Variants in CATSPERE observed in about 807,000 individuals in gnomAD.
CATSPERE encodes cation channel sperm-associated auxiliary subunit epsilon.
In CATSPERE, 93 loss-of-function variants were observed where a neutral mutation model predicts 114.1. The ratio of observed to expected loss-of-function variants is 0.81; its 90% CI spans 0.69 to 0.97. The LOEUF (loss-of-function observed/expected upper bound fraction) is 0.97. Among genes scored for constraint, CATSPERE ranks in the 50% least tolerant of loss-of-function variants. The pLI is 0.00. For missense variants in CATSPERE, 1,058 were observed against 1,131.6 expected (o/e 0.93, Z 0.93); for synonymous variants, 341 against 384.1 (o/e 0.89, Z 1.31).
intron 7 of CATSPERE, among the ~76,000 whole-genome samples, chr1:244,511,088 C>T (rs984634921): frequency 6.6e-6 from 1 of 151,992 alleles, no homozygotes; most frequent in Non-Finnish European, 1.5e-5. Flanking sequence ...GGTGATCCAC[C>T]CACCTCAGCC....
chr1:244,618,983 G>T (rs947807161), intron 20 of CATSPERE, among the ~76,000 whole-genome samples: 1 of 152,172 alleles, frequency 6.6e-6, no homozygotes, highest in African/African-American at 2.4e-5. Context: ...TCTAGGCCAG[G>T]TGATTAAAAT....
intron 14 of CATSPERE, among the ~76,000 whole-genome samples, chr1:244,589,258 T>C (rs1157000147): frequency 6.6e-6 from 1 of 152,210 alleles, no homozygotes; most frequent in Non-Finnish European, 1.5e-5. Flanking sequence ...TTGACTCTTA[T>C]CTGAGTATTT....
At chr1:244,585,437 A>G (rs996445956) in intron 13 of CATSPERE, among the ~76,000 whole-genome samples, 9 of 152,232 alleles carry the variant, frequency 5.9e-5, no homozygotes, top group African/African-American at 1.9e-4. Flanking sequence ...CTGAAATAGA[A>G]TGAGGAAAGA....
At position 244,573,194 on chromosome 1, in the gene CATSPERE, G is replaced by A. The variant is rs10927268; in HGVS notation, c.1950+422G>A. 0.8 allele frequency among the ~76,000 whole-genome samples: 120,681 copies of A among 151,788 alleles called. 49,676 individuals are homozygous for A. The highest frequency in any genetic ancestry group is 0.94 in the Middle Eastern group (276 of 294). Reference sequence around the variant, plus strand: ...TGGGAGGCCAAGGCAGGCAGATCACGAGGTCAGGAGATCGAGACCATCCTG... The same window carrying A: ...TGGGAGGCCAAGGCAGGCAGATCACAAGGTCAGGAGATCGAGACCATCCTG... On this transcript the variant is annotated intron_variant, in intron 11 of 21. Transcript: ENST00000366534. The surrounding 1 kb of genome is among the most constrained non-coding windows in gnomAD (Gnocchi z 4.0).
At chr1:244,581,316 A>G (rs1418877541) in intron 11 of CATSPERE, among the ~76,000 whole-genome samples, 1 of 152,158 alleles carries the variant, frequency 6.6e-6, no homozygotes, top group Admixed American at 6.5e-5. Flanking sequence ...TAGGCATTTT[A>G]CTGTTGATGA....
intron 1 of CATSPERE, 67 bp downstream of exon 1, chr1:244,461,561 G>A (rs1666789831): frequency 8.2e-7 from 1 of 1,219,580 alleles, no homozygotes; most frequent in Non-Finnish European, 1.0e-6. Flanking sequence ...AGGCGGGAGG[G>A]TCCTGCTCTC....
chr1:244,492,810 CAGAG>C (rs1200005294), intron 6 of CATSPERE, among the ~76,000 whole-genome samples: 1 of 147,646 alleles, frequency 6.8e-6, no homozygotes, highest in Admixed American at 6.7e-5. Flanking sequence ...AACAGACAAA[CAGAG>C]AGCCAAATCA....
chr1:244,533,249 T>C (rs1679891173), intron 8 of CATSPERE, among the ~76,000 whole-genome samples: 1 of 152,276 alleles, frequency 6.6e-6, no homozygotes, highest in Middle Eastern at 3.4e-3. Flanking sequence ...TTCATGTCTT[T>C]ATAGGTTAAG....
At chr1:244,494,781 C>A (rs186837489) in intron 6 of CATSPERE, among the ~76,000 whole-genome samples, 2 of 151,964 alleles carry the variant, frequency 1.3e-5, no homozygotes, top group Admixed American at 6.6e-5. Flanking sequence ...CAGCAACTTA[C>A]CAGAAAAAAA....
rs188133661 is a variant in CATSPERE at position 244,618,114 on chromosome 1, A to G, written c.2648+428A>G. Among the ~76,000 whole-genome samples, 318 of 152,340 alleles carry G rather than the reference A, an allele frequency of 2.1e-3. 2 individuals carry two copies. Among genetic ancestry groups the G allele is most frequent in the African/African-American group, 7.2e-3 (298 of 41,570 alleles). ...CACAATAGTAATTCAGAGATGGGAA[A>G]GATTAATGCTATTTTGAGCAGTAAA... On this transcript the variant is annotated intron_variant, in intron 20 of 21. Coordinates refer to ENST00000366534, the MANE Select transcript of CATSPERE (RefSeq NM_001130957.2).
At chr1:244,520,646 C>T (rs1200023156) in intron 8 of CATSPERE, among the ~76,000 whole-genome samples, 1 of 152,064 alleles carries the variant, frequency 6.6e-6, no homozygotes, top group Non-Finnish European at 1.5e-5. Context: ...CAGGCACACG[C>T]AGAGGCCCAG....
intron 2 of CATSPERE, among the ~76,000 whole-genome samples, chr1:244,476,494 A>T (rs558123209): frequency 2.6e-5 from 4 of 152,244 alleles, no homozygotes; most frequent in African/African-American, 9.6e-5. Flanking sequence ...TTATATTTTA[A>T]AGTTATGTTG....
chr1:244,592,165 G>A (rs555906219), intron 15 of CATSPERE, among the ~76,000 whole-genome samples: 37 of 152,140 alleles, frequency 2.4e-4, no homozygotes, highest in Admixed American at 4.6e-4. Flanking sequence ...CCTGGCCAAC[G>A]TGGCGAAACC....
chr1:244,617,096 T>C (rs1671490289), intron 19 of CATSPERE, among the ~76,000 whole-genome samples: 1 of 152,168 alleles, frequency 6.6e-6, no homozygotes, highest in African/African-American at 2.4e-5. Context: ...AGATAGTTTG[T>C]ATCTTGAGAC....
At position 244,609,373 on chromosome 1, in the gene CATSPERE, G is replaced by C. The variant is rs528237805; in HGVS notation, c.2404-867G>C. Among the ~76,000 whole-genome samples the C allele has an allele frequency of 2.7e-5, 4 of 147,828 alleles. No homozygotes were observed. In the East Asian group the frequency reaches 5.9e-4, roughly 22 times the overall value. On this transcript the variant is annotated intron_variant, in intron 18 of 21. Coordinates refer to ENST00000366534, the MANE Select transcript of CATSPERE (RefSeq NM_001130957.2). Reference sequence around the variant, plus strand: ...TTATCACTTCCTTTTTTTTTTTTTAGAGAGTCTCACTCTGTCGCCCGGTCT... The same window carrying C: ...TTATCACTTCCTTTTTTTTTTTTTACAGAGTCTCACTCTGTCGCCCGGTCT...
At position 244,589,561 on chromosome 1, in the gene CATSPERE, G is replaced by C. The variant is rs116736314; in HGVS notation, c.2138+1027G>C. On this transcript the variant is annotated intron_variant, in intron 14 of 21. Transcript: ENST00000366534. Reference sequence around the variant, plus strand: ...ATGGACCAACACTGGCATCACCTGAGAACTTGTTAGAAATGTAGATTCTCA... The same window carrying C: ...ATGGACCAACACTGGCATCACCTGACAACTTGTTAGAAATGTAGATTCTCA... Among the ~76,000 whole-genome samples the C allele has an allele frequency of 3.2e-3, 484 of 152,242 alleles. 6 individuals are homozygous for C. Among genetic ancestry groups the C allele is most frequent in the African/African-American group, 0.011 (466 of 41,542 alleles).
intron 7 of CATSPERE, among the ~76,000 whole-genome samples, chr1:244,503,716 G>A (rs1016340448): frequency 1.2e-4 from 18 of 152,038 alleles, no homozygotes; most frequent in African/African-American, 4.1e-4. Context: ...TGTAGCTAGA[G>A]CCACAGACAC....
At chr1:244,521,773 A>C (rs1677614005) in intron 8 of CATSPERE, among the ~76,000 whole-genome samples, 1 of 152,240 alleles carries the variant, frequency 6.6e-6, no homozygotes, top group Non-Finnish European at 1.5e-5. Flanking sequence ...TGATAAATTC[A>C]GCTCATTGAT....
At chr1:244,558,138 CTTT>C (rs34664118) in intron 9 of CATSPERE, among the ~76,000 whole-genome samples, 5,476 of 109,388 alleles carry the variant, frequency 0.05, 131 homozygotes, top group Middle Eastern at 0.079. Context: ...CTCTCTCTCT[CTTT>C]TTTTTTTTTT....
Sources: gnomAD v4.1 joint callset for allele counts (sites outside exome capture counted in the v4.1 genomes callset) on GRCh38, gnomAD v4.1.1 for gene constraint, Gnocchi (gnomAD v3.1) non-coding constraint, MANE v1.5 for transcripts, NCBI Gene and HGNC (gene_info 2026-07-23, HGNC 2026-07-21) for gene names.